ATP6V1D: variants seen among roughly 807,000 people sequenced by gnomAD.
ATP6V1D encodes V-type proton ATPase subunit D.
A neutral mutation model predicts 39.4 loss-of-function variants in ATP6V1D; 20 were observed. That is an observed-to-expected ratio of 0.51 (90% CI 0.36 to 0.74). ATP6V1D has a LOEUF of 0.74. ATP6V1D is among the 30% of genes least tolerant of loss of function. ATP6V1D has a pLI of 0.00. For missense variants in ATP6V1D, 228 were observed against 291.6 expected (o/e 0.78, Z 1.59); for synonymous variants, 100 against 100.5 (o/e 0.99, Z 0.03).
At chr14:67,341,841 G>C (rs1207959655) in intron 7 of ATP6V1D, among the ~76,000 whole-genome samples, 1 of 152,214 alleles carries the variant, frequency 6.6e-6, no homozygotes, top group Non-Finnish European at 1.5e-5. Context: ...TCTGTACTAA[G>C]AAAAATTCTT....
intron 1 of ATP6V1D, among the ~76,000 whole-genome samples, chr14:67,358,770 T>A (rs1317688600): frequency 6.6e-6 from 1 of 152,204 alleles, no homozygotes; most frequent in Admixed American, 6.5e-5. Context: ...TAGGCACATT[T>A]GAGAAAACGT....
chr14:67,342,230 A>C (rs1020435311), intron 7 of ATP6V1D, among the ~76,000 whole-genome samples: 14 of 151,158 alleles, frequency 9.3e-5, no homozygotes, highest in African/African-American at 2.9e-4. Context: ...AAATAAAAAA[A>C]AACACAAAGA....
Position 67,342,165 on chromosome 14 carries a change from C to T in ATP6V1D, c.523+1207G>A, listed in dbSNP as rs183327468. 3.5e-5 allele frequency among the ~76,000 whole-genome samples: 5 copies of T among 144,690 alleles called. No individual in the cohort carries two copies. In the Admixed American group the frequency reaches 3.5e-4, roughly 10 times the overall value. The allele number at this position is 144,690 out of a possible 152,430, so 94.9% of individuals were successfully genotyped here. A position where few individuals can be genotyped will look rare whatever the true frequency, so the allele number is the denominator to read the frequency against. ...GCCAAATCCCCCTCTGTGAGAAACACCCAAGAATGATCAATAAAATAAATA... is the reference window on the plus strand; with the variant it reads ...GCCAAATCCCCCTCTGTGAGAAACATCCAAGAATGATCAATAAAATAAATA... On this transcript the variant is annotated intron_variant, in intron 7 of 8. Transcript: ENST00000216442.
chr14:67,356,454 C>T (rs201113605), intron 1 of ATP6V1D, among the ~76,000 whole-genome samples: 1 of 109,976 alleles, frequency 9.1e-6, no homozygotes, highest in Non-Finnish European at 1.6e-5. Flanking sequence ...AAAACAAAAA[C>T]AAACAAACAC....
At chr14:67,359,476 C>G (rs1320191268) in intron 1 of ATP6V1D, among the ~76,000 whole-genome samples, 182 bp downstream of exon 1, 1 of 152,168 alleles carries the variant, frequency 6.6e-6, no homozygotes, top group Non-Finnish European at 1.5e-5. Context: ...CAGCCTGATT[C>G]ACTCAGGAGG....
At position 67,345,809 on chromosome 14, in the gene ATP6V1D, C is replaced by T. The variant is rs1202033549; in HGVS notation, c.415G>A (p.Ala139Thr). Residue 139 changes from alanine to threonine, a missense_variant, in exon 6 of 9, where the codon GCC (alanine) becomes ACC (threonine). Ala to Thr is a moderately conservative substitution (Grantham distance 58). This residue lies in a region of ATP6V1D where 114 missense variants were observed against 128.3 expected (regional missense o/e 0.89). Coordinates refer to ENST00000216442, the MANE Select transcript of ATP6V1D (RefSeq NM_015994.4). ...EQLAKLKRNY[A>T]KAVELLVELA... The stretch of plus-strand genomic sequence containing the variant: ...TCCACCAGTAGTTCCACTGCTTTGG[C>T]ATAATTCCTCTTTAATTTAGCCAAC... The T allele has an allele frequency of 6.2e-7, 1 of 1,614,122 alleles. No homozygotes were observed. The highest frequency in any genetic ancestry group is 8.5e-7 in the Non-Finnish European group (1 of 1,179,992).
At position 67,358,043 on chromosome 14, in the gene ATP6V1D, A is replaced by C. The variant is rs2085697375; in HGVS notation, c.41+1615T>G. ...CTATCAATTAGGTGTTGACTAGAAC[A>C]AACAGTAAATTCTCCCCCTAGCTTT... On this transcript the variant is annotated intron_variant, in intron 1 of 8. Transcript: ENST00000216442. Among the ~76,000 whole-genome samples the C allele has an allele frequency of 3.9e-5, 6 of 152,352 alleles. No homozygotes were observed. The South Asian group carries it at 1.2e-3, about 32-fold the overall frequency.
At chr14:67,340,400 GAAA>G (rs1354021123) in intron 8 of ATP6V1D, 37 bp downstream of exon 8, 2 of 1,561,010 alleles carry the variant, frequency 1.3e-6, no homozygotes, top group Non-Finnish European at 1.8e-6. Context: ...TTGGAATATG[GAAA>G]ACAAAAGATG....
chr14:67,346,430 G>A (rs547536661), intron 5 of ATP6V1D, among the ~76,000 whole-genome samples: 1 of 152,230 alleles, frequency 6.6e-6, no homozygotes, highest in South Asian at 2.1e-4. Flanking sequence ...TCCCACCTCG[G>A]CCTCCCGAGT....
At chr14:67,340,600 A>C (rs1256018469) in intron 7 of ATP6V1D, 82 bp from the exon 8 acceptor site, 1 of 1,164,210 alleles carries the variant, frequency 8.6e-7, no homozygotes, top group South Asian at 1.3e-5. Context: ...TATAACAGTT[A>C]TTTTTTCCTA....
At chr14:67,351,402 T>C (rs563243848) in intron 2 of ATP6V1D, among the ~76,000 whole-genome samples, 5 of 152,380 alleles carry the variant, frequency 3.3e-5, no homozygotes, top group East Asian at 1.9e-4. Flanking sequence ...TGTGGCATAA[T>C]ATTTTCTTAA....
chr14:67,350,497 A>T, intron 3 of ATP6V1D, 114 bp downstream of exon 3: 1 of 790,192 alleles, frequency 1.3e-6, no homozygotes, highest in Non-Finnish European at 2.0e-6. Flanking sequence ...TCTTATTATT[A>T]CTATATCATT....
At chr14:67,354,790 A>G (rs1232153282) in intron 1 of ATP6V1D, among the ~76,000 whole-genome samples, 1 of 152,150 alleles carries the variant, frequency 6.6e-6, no homozygotes, top group African/African-American at 2.4e-5. Context: ...ACTTTTTACT[A>G]CTATATTCTT....
intron 1 of ATP6V1D, chr14:67,353,649 A>G: frequency 6.6e-6 from 1 of 152,108 alleles, no homozygotes. Flanking sequence ...CACCAAGCCC[A>G]GCTATATTTT....
At chr14:67,356,550 T>C (rs1377722868) in intron 1 of ATP6V1D, among the ~76,000 whole-genome samples, 3 of 152,106 alleles carry the variant, frequency 2.0e-5, no homozygotes, top group African/African-American at 7.2e-5. Context: ...AAAGGGACTT[T>C]AGACATTAAC....
chr14:67,357,104 T>C (rs2085690443), intron 1 of ATP6V1D, among the ~76,000 whole-genome samples: 2 of 152,208 alleles, frequency 1.3e-5, no homozygotes, highest in Admixed American at 1.3e-4. Context: ...AGAACCTGGA[T>C]TTAGTGGACT....
At chr14:67,342,725 CAT>C (rs1387420876) in intron 7 of ATP6V1D, among the ~76,000 whole-genome samples, 1 of 150,426 alleles carries the variant, frequency 6.6e-6, no homozygotes, top group African/African-American at 2.4e-5. Context: ...GTTAATATAT[CAT>C]ATTATACATA....
intron 6 of ATP6V1D, among the ~76,000 whole-genome samples, chr14:67,343,837 C>CA (rs1304487985): frequency 6.6e-6 from 1 of 152,228 alleles, no homozygotes; most frequent in Non-Finnish European, 1.5e-5. Flanking sequence ...GCTTGGGTGA[C>CA]AGAGTAAGAC....
At chr14:67,340,242 C>T (rs1362554707) in intron 8 of ATP6V1D, 198 bp downstream of exon 8, 1 of 499,680 alleles carries the variant, frequency 2.0e-6, no homozygotes, top group Admixed American at 3.2e-5. Flanking sequence ...TTTGGAAATG[C>T]CATGTTATAG....
Sources: gnomAD v4.1 joint callset for allele counts (sites outside exome capture counted in the v4.1 genomes callset) on GRCh38, gnomAD v4.1.1 for gene constraint, gnomAD v4.1.1 regional missense constraint, MANE v1.5 for transcripts, NCBI Gene and HGNC (gene_info 2026-07-23, HGNC 2026-07-21) for gene names.